MRTFB: variants seen among roughly 807,000 people sequenced by gnomAD.
MRTFB encodes myocardin related transcription factor B, also known as myocardin-related transcription factor B.
A neutral mutation model predicts 104.2 loss-of-function variants in MRTFB; 29 were observed. The observed-to-expected ratio is 0.28, with a 90% confidence interval of 0.21 to 0.38. The LOEUF (loss-of-function observed/expected upper bound fraction) is 0.38, where lower values mean the gene tolerates loss of function less well. Ranked by LOEUF, MRTFB falls within the 10% of genes least tolerant of loss-of-function variation. The pLI, the probability that MRTFB is intolerant of heterozygous loss-of-function variation, is 1.00. For missense variants in MRTFB, 1,270 were observed against 1,341.6 expected (o/e 0.95, Z 0.83); for synonymous variants, 535 against 519.5 (o/e 1.03, Z -0.41).
At position 14,245,584 on chromosome 16, in the gene MRTFB, C is replaced by T. The variant is rs751479416; in HGVS notation, c.1136C>T (p.Pro379Leu). 1.2e-6 allele frequency: 2 copies of T among 1,614,024 alleles called. No individual in the cohort carries two copies. Among genetic ancestry groups the T allele is most frequent in the South Asian group, 2.2e-5 (2 of 91,056 alleles). Reference protein sequence around the residue: ...SGNSALNNATPNTPRQNTSTP... With the variant: ...SGNSALNNATLNTPRQNTSTP... ...AATTCAGCTTTGAACAATGCCACAC[C>T]TAACACACCAAGACAGAATACATCT... Residue 379 changes from proline (P) to leucine (L), a missense_variant, in exon 11 of 17, where the codon CCT (proline) becomes CTT (leucine). Physicochemically the swap from Pro to Leu is moderately conservative, Grantham distance 98. This residue lies in a region of MRTFB where 1,144 missense variants were observed against 1,131.5 expected (regional missense o/e 1.01). Transcript: ENST00000571589.
At chr16:14,164,824 C>T (rs1173525159) in intron 3 of MRTFB, among the ~76,000 whole-genome samples, 1 of 151,852 alleles carries the variant, frequency 6.6e-6, no homozygotes, top group African/African-American at 2.4e-5. Context: ...TGTCTGAACC[C>T]AGATCTTTAT....
intron 3 of MRTFB, among the ~76,000 whole-genome samples, chr16:14,146,920 G>T (rs1224978592): frequency 9.9e-5 from 15 of 152,216 alleles, no homozygotes; most frequent in Admixed American, 9.8e-4. Context: ...CAGACAGAAA[G>T]CTGTCATAGT....
chr16:14,266,590 T>G lies in MRTFB; in HGVS notation c.*5146T>G, dbSNP rs1304734629. The stretch of plus-strand genomic sequence containing the variant: ...CACCCCTGAAATCAATTCCATATCA[T>G]GTTTGAATGCCATACATTTTGCACA... On this transcript the variant is annotated 3_prime_UTR_variant, in exon 17 of 17. Transcript: ENST00000571589. 2 of 152,226 alleles carry G rather than the reference T, an allele frequency of 1.3e-5. No individual in the cohort carries two copies. The highest frequency in any genetic ancestry group is 2.9e-5 in the Non-Finnish European group (2 of 68,046). 9.4% of individuals were successfully genotyped at this position (152,226 alleles called of 1,614,324 possible).
chr16:14,086,929 T>G (rs1014343599), intron 2 of MRTFB, among the ~76,000 whole-genome samples: 2 of 152,348 alleles, frequency 1.3e-5, no homozygotes, highest in East Asian at 3.9e-4. Flanking sequence ...TGCAACAGTT[T>G]CTTCCTATTT....
At chr16:14,178,447 A>G (rs1189939969) in intron 3 of MRTFB, among the ~76,000 whole-genome samples, 3 of 152,170 alleles carry the variant, frequency 2.0e-5, no homozygotes, top group Non-Finnish European at 4.4e-5. Context: ...TTCATACTGG[A>G]TTTGGTAGTC....
At chr16:14,127,349 A>G (rs938148520) in intron 2 of MRTFB, among the ~76,000 whole-genome samples, 1 of 152,112 alleles carries the variant, frequency 6.6e-6, no homozygotes, top group African/African-American at 2.4e-5. Context: ...CAACACATTC[A>G]CACATTCAAA....
chr16:14,070,122 AG>A (rs57187119), upstream of MRTFB, among the ~76,000 whole-genome samples: 155 of 152,312 alleles, frequency 1.0e-3, 2 homozygotes, highest in East Asian at 0.015. Flanking sequence ...TGCAGGTGGA[AG>A]GCTACCTAGA....
the MRTFB span, among the ~76,000 whole-genome samples, chr16:14,052,984 C>T: frequency 4.6e-5 from 7 of 152,120 alleles, no homozygotes; most frequent in African/African-American, 1.4e-4. Context: ...TTCTGTTCCT[C>T]GCTTATTTCA....
At chr16:14,248,721 C>A in intron 12 of MRTFB, 1 of 505,502 alleles carries the variant, frequency 2.0e-6, no homozygotes. Context: ...ATAATAAGAG[C>A]ATGCAGTGAC....
chr16:14,128,834 T>G (rs2037293676), intron 2 of MRTFB, among the ~76,000 whole-genome samples: 1 of 152,226 alleles, frequency 6.6e-6, no homozygotes, highest in Admixed American at 6.5e-5. Flanking sequence ...GTCATCAAAT[T>G]CACCATTTTT....
intron 2 of MRTFB, among the ~76,000 whole-genome samples, chr16:14,131,648 A>G (rs1471172625): frequency 6.6e-6 from 1 of 152,160 alleles, no homozygotes; most frequent in African/African-American, 2.4e-5. Flanking sequence ...AAAAATGGGT[A>G]TTTCTGTAAA....
At chr16:14,157,699 G>A (rs1463904407) in intron 3 of MRTFB, among the ~76,000 whole-genome samples, 1 of 152,160 alleles carries the variant, frequency 6.6e-6, no homozygotes, top group Non-Finnish European at 1.5e-5. Flanking sequence ...GCTCCAACAA[G>A]GAACTATTGA....
intron 8 of MRTFB, among the ~76,000 whole-genome samples, chr16:14,219,892 T>A (rs1163077153): frequency 6.6e-6 from 1 of 152,188 alleles, no homozygotes; most frequent in Non-Finnish European, 1.5e-5. Flanking sequence ...AGAGCAAGTA[T>A]ATTTTGAGCA....
At chr16:14,161,398 AT>A (rs2039032584) in intron 3 of MRTFB, among the ~76,000 whole-genome samples, 1 of 152,152 alleles carries the variant, frequency 6.6e-6, no homozygotes, top group African/African-American at 2.4e-5. Context: ...TTTTAAATAA[AT>A]GGTTCTAGAT....
At chr16:14,200,839 GT>G in intron 3 of MRTFB, 1 of 1,461,504 alleles carries the variant, frequency 6.8e-7, no homozygotes, top group Non-Finnish European at 9.6e-7. Flanking sequence ...CGTGGGTGTG[GT>G]GCTACAAGGT....
the MRTFB span, among the ~76,000 whole-genome samples, chr16:14,033,767 CAG>C: frequency 6.8e-6 from 1 of 146,062 alleles, no homozygotes; most frequent in South Asian, 2.1e-4. Flanking sequence ...ACCCAGGAGA[CAG>C]AGGCTGCAGT....
intron 2 of MRTFB, among the ~76,000 whole-genome samples, chr16:14,116,170 T>C: frequency 6.6e-6 from 1 of 152,230 alleles, no homozygotes. Flanking sequence ...TCCTCATTTT[T>C]TTTTTCTTGC....
At chr16:14,130,525 C>T (rs2037384625) in intron 2 of MRTFB, among the ~76,000 whole-genome samples, 1 of 152,156 alleles carries the variant, frequency 6.6e-6, no homozygotes, top group Non-Finnish European at 1.5e-5. Context: ...TTATATTCCT[C>T]TAATATGTGA....
the MRTFB span, among the ~76,000 whole-genome samples, chr16:14,050,994 T>C: frequency 2.0e-5 from 3 of 152,178 alleles, no homozygotes; most frequent in Admixed American, 2.0e-4. Context: ...CTCCCTCTGA[T>C]TCTTATGGCG....
Sources: allele counts gnomAD v4.1 joint callset (sites outside exome capture counted in the v4.1 genomes callset), GRCh38; gene constraint gnomAD v4.1.1; regional missense constraint gnomAD v4.1.1; transcripts MANE v1.5; gene names NCBI Gene and HGNC (gene_info 2026-07-23, HGNC 2026-07-21).